Variants in PDXDC1 observed in about 807,000 individuals in gnomAD.
The protein encoded by PDXDC1 is pyridoxal-dependent decarboxylase domain-containing protein 1.
PDXDC1 carries 42 observed loss-of-function variants against 100.1 expected under a neutral mutation model. That is an observed-to-expected ratio of 0.42 (90% CI 0.33 to 0.54). The LOEUF (loss-of-function observed/expected upper bound fraction) is 0.54. Among genes scored for constraint, PDXDC1 ranks in the 20% least tolerant of loss-of-function variants. The pLI, the probability that PDXDC1 is intolerant of heterozygous loss-of-function variation, is 0.10. For synonymous variants in PDXDC1, 260 were observed against 371.7 expected, an observed-to-expected ratio of 0.70 and a Z score of 3.46; for missense variants, 636 against 979.2, an observed-to-expected ratio of 0.65 and a Z score of 4.68.
At chr16:15,053,932 C>T (rs1350438318) in intron 16 of PDXDC1, among the ~76,000 whole-genome samples, 2 of 149,402 alleles carry the variant, frequency 1.3e-5, no homozygotes, top group Non-Finnish European at 2.9e-5. Context: ...ACCAACCAAA[C>T]AAACAAACAA....
Position 15,031,888 on chromosome 16 carries a change from C to G in PDXDC1, c.1553C>G (p.Ser518Cys). Residue 518 changes from serine (S) to cysteine (C), a missense_variant, in exon 17 of 23, where the codon TCT becomes TGT. This residue lies in a region of PDXDC1 where 452 missense variants were observed against 402.9 expected (regional missense o/e 1.12). Coordinates refer to ENST00000396410, the MANE Select transcript of PDXDC1 (RefSeq NM_015027.4). ...CTATATGTTGATGACCCTAACTGGTCTGGAATAGGGGTTGTCAGGTAAAGT... is the reference window on the plus strand; with the variant it reads ...CTATATGTTGATGACCCTAACTGGTGTGGAATAGGGGTTGTCAGGTAAAGT... ...GLLYVDDPNWSGIGVVRYEHA... is the reference protein window; with the variant it reads ...GLLYVDDPNWCGIGVVRYEHA... 2 of 1,611,254 alleles carry G rather than the reference C, an allele frequency of 1.2e-6. No individual in the cohort carries two copies. The highest frequency in any genetic ancestry group is 1.7e-6 in the Non-Finnish European group (2 of 1,178,536).
At chr16:15,034,580 T>C (rs764574772) in intron 21 of PDXDC1, 27 bp downstream of exon 21, 1 of 1,550,346 alleles carries the variant, frequency 6.5e-7, no homozygotes, top group Non-Finnish European at 8.9e-7. Flanking sequence ...TCTTCCCAGG[T>C]CTTGCTGACC....
chr16:15,075,774 G>A (rs2045427179), intron 16 of PDXDC1, among the ~76,000 whole-genome samples: 1 of 152,034 alleles, frequency 6.6e-6, no homozygotes, highest in African/African-American at 2.4e-5. Flanking sequence ...TCTGCTCCTG[G>A]TGCCCACCAT....
intron 13 of PDXDC1, among the ~76,000 whole-genome samples, chr16:15,023,083 C>T (rs2042328152): frequency 6.6e-6 from 1 of 152,292 alleles, no homozygotes; most frequent in Non-Finnish European, 1.5e-5. Flanking sequence ...CTTGGGCACA[C>T]TCTTCTTCCC....
chr16:15,092,514 T>C, intron 16 of PDXDC1: 1 of 1,606,698 alleles, frequency 6.2e-7, no homozygotes, highest in Non-Finnish European at 8.5e-7. Flanking sequence ...CTTACCTTTT[T>C]GTACTTCAGC....
intron 16 of PDXDC1, among the ~76,000 whole-genome samples, chr16:15,134,554 G>A (rs2048261324): frequency 1.8e-5 from 1 of 56,534 alleles, no homozygotes; most frequent in East Asian, 4.5e-4. Flanking sequence ...AGGACACTGG[G>A]GTGTGCGTTC....
chr16:15,008,225 T>TA (rs2040950053), intron 6 of PDXDC1, among the ~76,000 whole-genome samples: 1 of 152,298 alleles, frequency 6.6e-6, no homozygotes, highest in African/African-American at 2.4e-5. Flanking sequence ...CCTAAAACTG[T>TA]AAACTCCTCA....
intron 1 of PDXDC1, among the ~76,000 whole-genome samples, chr16:14,986,275 C>T (rs1440751844): frequency 1.3e-5 from 2 of 152,274 alleles, no homozygotes; most frequent in South Asian, 2.1e-4. Context: ...GAGTTTGACC[C>T]GGCCAACATG....
rs546595783 is a variant in PDXDC1, at chr16:15,125,833, G to T, written c.1400-13046G>T. 1.7e-3 allele frequency: 1,536 copies of T among 924,374 alleles called. 6 individuals carry two copies. The highest frequency in any genetic ancestry group is 1.9e-3 in the Non-Finnish European group (1,072 of 573,426). The allele number at this position is 924,374 out of a possible 1,614,324, so 57.3% of individuals were successfully genotyped here. A position where few individuals can be genotyped will look rare whatever the true frequency, so the allele number is the denominator to read the frequency against. ...CTGCAGGACGACAGCAGTGGTCAGC[G>T]GGCGGCAGCTCAGACCTGCTCAGGA... is the stretch of plus-strand genomic sequence containing the variant. On this transcript the variant is annotated intron_variant, in intron 16 of 16. Coordinates refer to the PDXDC1 transcript ENST00000535621.
chr16:14,996,095 A>G (rs145755713), intron 1 of PDXDC1, among the ~76,000 whole-genome samples: 707 of 152,186 alleles, frequency 4.6e-3, no homozygotes, highest in African/African-American at 9.7e-3. Flanking sequence ...AGAAGCCCCA[A>G]CTGCTTACCT....
chr16:15,143,080 A>G (rs2457526), downstream of PDXDC1, among the ~76,000 whole-genome samples: 119,063 of 152,012 alleles, frequency 0.78, 47,806 homozygotes, highest in Admixed American at 0.87. Context: ...TTGTTGGGAG[A>G]AGTACACCCC....
chr16:15,064,880 C>G (rs2044891640), intron 16 of PDXDC1, among the ~76,000 whole-genome samples: 1 of 152,216 alleles, frequency 6.6e-6, no homozygotes, highest in South Asian at 2.1e-4. Flanking sequence ...TTAAATCCAC[C>G]TCCTGGCCGG....
chr16:15,149,324 G>T, the PDXDC1 span, among the ~76,000 whole-genome samples: 3 of 152,196 alleles, frequency 2.0e-5, no homozygotes, highest in South Asian at 2.1e-4. Context: ...TTTGTTGAAC[G>T]CGGGCTCCAG....
intron 16 of PDXDC1, chr16:15,055,900 C>G: frequency 8.1e-7 from 1 of 1,229,630 alleles, no homozygotes. Context: ...CCTCCAAAGG[C>G]GGGTGGGCTC....
downstream of PDXDC1, among the ~76,000 whole-genome samples, chr16:15,042,226 C>A (rs2043849601): frequency 6.7e-6 from 1 of 149,016 alleles, no homozygotes; most frequent in African/African-American, 2.5e-5. Flanking sequence ...TGCTCTGTCA[C>A]CCAGGCTGGA....
intron 1 of PDXDC1, chr16:14,975,440 G>A (rs1966666128): frequency 1.0e-6 from 1 of 985,248 alleles, no homozygotes; most frequent in Non-Finnish European, 1.2e-6. Flanking sequence ...AGGCTGGGCG[G>A]GGTTCGGTGG....
chr16:15,048,191 G>GCT, intron 16 of PDXDC1: 2 of 814,168 alleles, frequency 2.5e-6, no homozygotes, highest in Non-Finnish European at 4.0e-6. Flanking sequence ...GGCTCTGCGT[G>GCT]GGCAGCACGC....
chr16:15,008,607 T>C (rs1163162602), intron 6 of PDXDC1, among the ~76,000 whole-genome samples, 172 bp from the exon 7 acceptor site: 19 of 146,170 alleles, frequency 1.3e-4, no homozygotes, highest in Admixed American at 5.5e-4. Flanking sequence ...TTTTTTTTTT[T>C]CGGCTTGGCT....
chr16:15,031,112 A>AT (rs771115923), intron 16 of PDXDC1, among the ~76,000 whole-genome samples: 8,559 of 73,838 alleles, frequency 0.12, 529 homozygotes, highest in East Asian at 0.26. Flanking sequence ...CACCACATCT[A>AT]TTTTTTTTTT....
Sources: allele counts gnomAD v4.1 joint callset (sites outside exome capture counted in the v4.1 genomes callset), GRCh38; gene constraint gnomAD v4.1.1; regional missense constraint gnomAD v4.1.1; transcripts MANE v1.5; gene names NCBI Gene and HGNC (gene_info 2026-07-23, HGNC 2026-07-21).